Variants in OR52N4 observed in about 807,000 individuals in gnomAD.
OR52N4 encodes olfactory receptor family 52 subfamily N member 4, also known as olfactory receptor 52N4.
A neutral mutation model predicts 15.0 loss-of-function variants in OR52N4; 15 were observed. That is an observed-to-expected ratio of 1.00 (90% CI 0.67 to 1.54). The LOEUF is 1.54. OR52N4 is among the 40% of genes most tolerant of loss of function. The pLI, the probability that OR52N4 is intolerant of heterozygous loss-of-function variation, is 0.00. For synonymous variants in OR52N4, 143 were observed against 143.7 expected, an observed-to-expected ratio of 1.00 and a Z score of 0.03; for missense variants, 421 against 394.0, an observed-to-expected ratio of 1.07 and a Z score of -0.58.
chr11:5,748,715 TATGA>T, the OR52N4 span, among the ~76,000 whole-genome samples: 3 of 152,034 alleles, frequency 2.0e-5, no homozygotes, highest in Non-Finnish European at 2.9e-5. Flanking sequence ...TGGATTAGTT[TATGA>T]ATGAACAAAA....
chr11:5,740,284 A>G, the OR52N4 span, among the ~76,000 whole-genome samples: 1 of 127,386 alleles, frequency 7.9e-6, no homozygotes, highest in African/African-American at 2.8e-5. Context: ...GGCTGGTTCA[A>G]CTCTTTAAGG....
upstream of OR52N4, among the ~76,000 whole-genome samples, chr11:5,753,053 A>C (rs559880570): frequency 6.6e-6 from 1 of 152,278 alleles, no homozygotes; most frequent in South Asian, 2.1e-4. Flanking sequence ...ATGTTGATGA[A>C]CATTTAGGTT....
intron 1 of OR52N4, 132 bp downstream of exon 1, chr11:5,754,437 G>A: frequency 3.4e-6 from 1 of 292,024 alleles, no homozygotes; most frequent in South Asian, 7.1e-5. Context: ...ATGAGATTGG[G>A]AATATGTCTT....
At chr11:5,750,126 T>C (rs116703913), upstream of OR52N4, among the ~76,000 whole-genome samples, 1,062 of 152,052 alleles carry the variant, frequency 7.0e-3, 10 homozygotes, top group African/African-American at 0.025. Flanking sequence ...TTATCTAGTA[T>C]TTAGATACAA....
At chr11:5,733,478 T>C in the OR52N4 span, among the ~76,000 whole-genome samples, 1 of 152,156 alleles carries the variant, frequency 6.6e-6, no homozygotes, top group African/African-American at 2.4e-5. Context: ...ACTCAAACAA[T>C]TGCCCTCAGA....
chr11:5,732,704 A>G, the OR52N4 span, among the ~76,000 whole-genome samples: 1 of 152,212 alleles, frequency 6.6e-6, no homozygotes, highest in Non-Finnish European at 1.5e-5. Context: ...TTGTGCTAAT[A>G]GCATTAATTC....
the OR52N4 span, among the ~76,000 whole-genome samples, chr11:5,731,981 G>C: frequency 6.6e-6 from 1 of 152,132 alleles, no homozygotes; most frequent in African/African-American, 2.4e-5. Flanking sequence ...TTTGTGGAAT[G>C]ATTATATCAG....
upstream of OR52N4, among the ~76,000 whole-genome samples, chr11:5,751,152 T>G (rs577344251): frequency 4.5e-4 from 69 of 152,116 alleles, no homozygotes; most frequent in African/African-American, 1.5e-3. Flanking sequence ...TTTCTAGTAT[T>G]AGTATATCCT....
the OR52N4 span, chr11:5,737,019 T>C: frequency 6.2e-7 from 1 of 1,614,170 alleles, no homozygotes; most frequent in East Asian, 2.2e-5. Context: ...GTCACTCCAG[T>C]GCCTGTGCTT....
the OR52N4 span, among the ~76,000 whole-genome samples, chr11:5,735,716 A>G: frequency 4.6e-5 from 7 of 152,160 alleles, no homozygotes; most frequent in African/African-American, 1.4e-4. Context: ...TAGAAAAGAT[A>G]ATGAGTCTAA....
chr11:5,746,893 T>C, the OR52N4 span, among the ~76,000 whole-genome samples: 1 of 151,962 alleles, frequency 6.6e-6, no homozygotes, highest in Non-Finnish European at 1.5e-5. Flanking sequence ...ATAGCAAAGA[T>C]AGCGAATCAG....
At chr11:5,738,766 CTT>C in the OR52N4 span, among the ~76,000 whole-genome samples, 2 of 149,178 alleles carry the variant, frequency 1.3e-5, no homozygotes, top group East Asian at 4.0e-4. Flanking sequence ...TCTTTTCTTT[CTT>C]TTTTTTTTAA....
At chr11:5,738,863 A>AGTTCCAGTGTGATT in the OR52N4 span, among the ~76,000 whole-genome samples, 1 of 131,474 alleles carries the variant, frequency 7.6e-6, no homozygotes, top group East Asian at 2.6e-4. Flanking sequence ...CTTTCCATTA[A>AGTTCCAGTGTGATT]ACACATGCTC....
chr11:5,736,324 T>G, the OR52N4 span: 1 of 581,180 alleles, frequency 1.7e-6, no homozygotes, highest in Non-Finnish European at 3.0e-6. Flanking sequence ...TTATTATTAG[T>G]TAATAAACCT....
the OR52N4 span, chr11:5,734,228 T>C: frequency 4.4e-6 from 2 of 455,954 alleles, no homozygotes; most frequent in South Asian, 1.6e-5. Flanking sequence ...TCTGTGTTCA[T>C]AAGCAAGGTA....
At chr11:5,749,307 A>G (rs890975200), upstream of OR52N4, among the ~76,000 whole-genome samples, 1 of 152,000 alleles carries the variant, frequency 6.6e-6, no homozygotes, top group Admixed American at 6.6e-5. Flanking sequence ...GGTATATCTC[A>G]GTTGTTTATC....
chr11:5,748,142 T>G, the OR52N4 span, among the ~76,000 whole-genome samples: 13,618 of 151,924 alleles, frequency 0.09, 760 homozygotes, highest in South Asian at 0.16. Context: ...GGACTAGTTT[T>G]ATAATGTTAA....
chr11:5,728,051 A>G, the OR52N4 span, among the ~76,000 whole-genome samples: 27 of 152,356 alleles, frequency 1.8e-4, no homozygotes, highest in African/African-American at 5.0e-4. Context: ...ACTTCTATGA[A>G]TGAGGGCACA....
At chr11:5,739,511 G>A in the OR52N4 span, among the ~76,000 whole-genome samples, 5 of 108,806 alleles carry the variant, frequency 4.6e-5, 1 homozygote, top group Admixed American at 4.7e-4. Context: ...GCAGTGAGCT[G>A]TGATCACACC....
Sources: gnomAD v4.1 joint callset for allele counts (sites outside exome capture counted in the v4.1 genomes callset) on GRCh38, gnomAD v4.1.1 for gene constraint, MANE v1.5 for transcripts, NCBI Gene and HGNC (gene_info 2026-07-23, HGNC 2026-07-21) for gene names.